Variants in DSCAML1 observed in about 807,000 individuals in gnomAD.
The protein encoded by DSCAML1 is cell adhesion molecule DSCAML1.
DSCAML1 carries 38 observed loss-of-function variants against 200.5 expected under a neutral mutation model. The observed-to-expected ratio is 0.19, with a 90% CI of 0.15 to 0.25. DSCAML1 has a LOEUF of 0.25. Ranked by LOEUF, DSCAML1 falls within the 10% of genes least tolerant of loss-of-function variation. The probability of loss-of-function intolerance (pLI) is 1.00; values close to 1 mark genes in which losing one functional copy is unlikely to be tolerated. For synonymous variants in DSCAML1, 1,215 were observed against 1,165.0 expected (o/e 1.04, Z -0.87); for missense variants, 2,223 against 2,858.8 (o/e 0.78, Z 5.07).
At chr11:117,462,127 G>A (rs901123542) in intron 17 of DSCAML1, among the ~76,000 whole-genome samples, 1 of 152,214 alleles carries the variant, frequency 6.6e-6, no homozygotes, top group Non-Finnish European at 1.5e-5. Flanking sequence ...GCAAAGAAGG[G>A]AAAAGGACTT....
intron 4 of DSCAML1, among the ~76,000 whole-genome samples, chr11:117,527,395 C>T (rs1474983328): frequency 6.6e-6 from 1 of 152,168 alleles, no homozygotes; most frequent in African/African-American, 2.4e-5. Flanking sequence ...CCGAGCTCCT[C>T]AAGGCAGCGT....
chr11:117,711,159 A>G (rs747982124), intron 3 of DSCAML1, among the ~76,000 whole-genome samples: 1 of 152,130 alleles, frequency 6.6e-6, no homozygotes, highest in Non-Finnish European at 1.5e-5. Context: ...CCTCAGGGTC[A>G]TGGTTATGAT....
intron 3 of DSCAML1, among the ~76,000 whole-genome samples, chr11:117,749,242 A>T (rs1057133651): frequency 6.6e-6 from 1 of 152,234 alleles, no homozygotes; most frequent in Non-Finnish European, 1.5e-5. Context: ...TGGAAACCAG[A>T]TGCTGTGGCG....
At chr11:117,778,053 C>T (rs1010661847) in intron 2 of DSCAML1, among the ~76,000 whole-genome samples, 4 of 152,234 alleles carry the variant, frequency 2.6e-5, no homozygotes, top group African/African-American at 7.2e-5. Context: ...CACCCCCTGA[C>T]TGTGCACCTG....
chr11:117,439,150 G>A (rs1243727431), intron 23 of DSCAML1, 116 bp downstream of exon 23: 16 of 1,446,898 alleles, frequency 1.1e-5, no homozygotes, highest in Admixed American at 7.8e-5. Context: ...TTCTCCAGAG[G>A]TCTGTCTCTC....
intron 3 of DSCAML1, among the ~76,000 whole-genome samples, chr11:117,729,983 G>A (rs1355175679): frequency 2.0e-5 from 3 of 152,232 alleles, no homozygotes; most frequent in Non-Finnish European, 4.4e-5. Context: ...GGTGGATCAT[G>A]AGGTCAAGAG....
intron 3 of DSCAML1, among the ~76,000 whole-genome samples, chr11:117,617,680 G>GCACACA (rs36207373): frequency 0.01 from 1,474 of 142,982 alleles, 11 homozygotes; most frequent in East Asian, 0.025. Context: ...ACAGGTACAC[G>GCACACA]CACACACACA....
At chr11:117,651,488 G>A (rs2052630488) in intron 3 of DSCAML1, among the ~76,000 whole-genome samples, 3 of 152,008 alleles carry the variant, frequency 2.0e-5, no homozygotes, top group Admixed American at 6.5e-5. Flanking sequence ...GGCAGATCAC[G>A]AGGTCAGGAG....
intron 3 of DSCAML1, among the ~76,000 whole-genome samples, chr11:117,709,202 G>A (rs1295619454): frequency 6.6e-6 from 1 of 152,230 alleles, no homozygotes; most frequent in Non-Finnish European, 1.5e-5. Context: ...AAGTGTGCAT[G>A]GGCTGCCATG....
chr11:117,561,711 C>A (rs1346028148), intron 3 of DSCAML1, among the ~76,000 whole-genome samples: 3 of 152,240 alleles, frequency 2.0e-5, no homozygotes, highest in African/African-American at 4.8e-5. Flanking sequence ...TTTACTTCTA[C>A]TGAAAAGCCC....
intron 1 of DSCAML1, among the ~76,000 whole-genome samples, chr11:117,792,226 G>T (rs1298155465): frequency 6.6e-6 from 1 of 152,148 alleles, no homozygotes; most frequent in Non-Finnish European, 1.5e-5. Context: ...GCTCTGGTGG[G>T]CCAGGCCCCT....
Position 117,693,352 on chromosome 11 carries a change from C to T in DSCAML1, c.511+83439G>A, listed in dbSNP as rs150824999. On this transcript the variant is annotated intron_variant, in intron 3 of 32. Transcript: ENST00000651296. The stretch of plus-strand genomic sequence containing the variant: ...CATCATTCCAATCTGAAAGGTGTTT[C>T]GGATCTTGATTCTGGAGTCCCACGT... Among the ~76,000 whole-genome samples, 1,424 of 152,316 alleles carry T rather than the reference C, an allele frequency of 9.3e-3. 12 individuals carry two copies. Among genetic ancestry groups the T allele is most frequent in the Middle Eastern group, 0.031 (9 of 294 alleles).
chr11:117,811,415 CA>C (rs2055759423), intron 1 of DSCAML1, among the ~76,000 whole-genome samples: 1 of 152,120 alleles, frequency 6.6e-6, no homozygotes, highest in South Asian at 2.1e-4. Context: ...TCAAGGTGTA[CA>C]ATAATAAAAA....
In DSCAML1 at chr11:117,450,592, C is replaced by T. The variant is rs769756412; in HGVS notation, c.3665G>A (p.Arg1222His). ...LPPTKPNGVI[R>H]KYTIFCSSPG... ...GCTGGAACAGAAGATGGTGTACTTG[C>T]GGATCACCCCGTTGGGCTTGGTAGG... Residue 1222 changes from arginine (R) to histidine (H), a missense_variant, in exon 20 of 33, where the codon CGC becomes CAC. Transcript: ENST00000651296. The T allele has an allele frequency of 1.8e-5, 29 of 1,614,088 alleles. No homozygotes were observed. The Middle Eastern group carries it at 1.8e-3, about 101-fold the overall frequency.
intron 3 of DSCAML1, among the ~76,000 whole-genome samples, chr11:117,724,118 T>C (rs1318727925): frequency 1.3e-5 from 2 of 152,182 alleles, no homozygotes; most frequent in African/African-American, 2.4e-5. Context: ...CACAACATTT[T>C]TCCCCCTCCT....
chr11:117,524,887 C>T lies in DSCAML1; in HGVS notation c.855G>A (p.Arg285=). 1 of 1,612,028 alleles carries T rather than the reference C, an allele frequency of 6.2e-7. No homozygotes were observed. The highest frequency in any genetic ancestry group is 8.5e-7 in the Non-Finnish European group (1 of 1,179,300). The change falls in exon 5 of 33, where the codon CGG becomes CGA. Residue 285 remains arginine, a synonymous_variant. Coordinates refer to ENST00000651296, the MANE Select transcript of DSCAML1 (RefSeq NM_020693.4). ...RITGLTISDL[R]TEDSGTYICE... ...AAATGTAGGTGCCGCTGTCCTCGGT[C>T]CGCAAGTCGCTGATGGTCAGCCCTG...
Position 117,458,728 on chromosome 11 carries a change from T to A in DSCAML1, c.3568+26A>T, listed in dbSNP as rs1315881890. ...TTAGCAGTGGGTGGCAGGGCCAGCC[T>A]GTCCCAAGGAGAGGCCTGGACTCAC... On this transcript the variant is annotated intron_variant, in intron 19 of 32. Coordinates refer to ENST00000651296, the MANE Select transcript of DSCAML1 (RefSeq NM_020693.4). The A allele has an allele frequency of 3.1e-6, 5 of 1,608,440 alleles. No individual in the cohort carries two copies. The African/African-American group carries it at 5.3e-5, about 17-fold the overall frequency.
At chr11:117,560,215 C>T (rs1015847161) in intron 3 of DSCAML1, among the ~76,000 whole-genome samples, 14 of 152,038 alleles carry the variant, frequency 9.2e-5, no homozygotes, top group South Asian at 2.1e-4. Context: ...TAAATCCAGC[C>T]ACCATTTGTT....
At chr11:117,430,086 C>T (rs73592170) in intron 32 of DSCAML1, among the ~76,000 whole-genome samples, 2,627 of 152,284 alleles carry the variant, frequency 0.017, 76 homozygotes, top group African/African-American at 0.059. Flanking sequence ...GGGCTTTGCA[C>T]GCTGTGACCC....
Sources: gnomAD v4.1 joint callset for allele counts (sites outside exome capture counted in the v4.1 genomes callset) on GRCh38, gnomAD v4.1.1 for gene constraint, MANE v1.5 for transcripts, NCBI Gene and HGNC (gene_info 2026-07-23, HGNC 2026-07-21) for gene names.